The following AP1B1 variants were observed in gnomAD, a reference collection of about 807,000 sequenced individuals.
AP1B1 encodes adaptor related protein complex 1 subunit beta 1.
Under a neutral mutation model 104.3 loss-of-function variants are expected in AP1B1, and 36 were observed. That is an observed-to-expected ratio of 0.35 (90% confidence interval 0.26 to 0.46). The LOEUF (loss-of-function observed/expected upper bound fraction) is 0.46, where lower values mean the gene tolerates loss of function less well. AP1B1 is among the 20% of genes least tolerant of loss of function. The pLI is 1.00. For synonymous variants in AP1B1, 504 were observed against 517.5 expected (o/e 0.97, Z 0.35); for missense variants, 901 against 1,247.9 (o/e 0.72, Z 4.19).
intron 1 of AP1B1, among the ~76,000 whole-genome samples, chr22:29,386,582 G>A (rs1273348844): frequency 6.6e-6 from 1 of 152,138 alleles, no homozygotes; most frequent in Non-Finnish European, 1.5e-5. Flanking sequence ...CCCTTGGAAG[G>A]ATGGGAATAT....
intron 8 of AP1B1, 122 bp from the exon 9 acceptor site, chr22:29,351,388 T>C (rs1460044115): frequency 3.4e-6 from 4 of 1,169,418 alleles, no homozygotes; most frequent in Non-Finnish European, 2.6e-6. Context: ...CTGCTCCAGG[T>C]AGAAGGCCCA....
chr22:29,341,471 G>C, intron 13 of AP1B1, 30 bp downstream of exon 13: 1 of 1,597,122 alleles, frequency 6.3e-7, no homozygotes, highest in Non-Finnish European at 8.6e-7. Flanking sequence ...AGAGTGTGAA[G>C]GCGCAGGCCG....
At chr22:29,355,592 T>C (rs757313653) in intron 6 of AP1B1, among the ~76,000 whole-genome samples, 2 of 152,138 alleles carry the variant, frequency 1.3e-5, no homozygotes, top group Non-Finnish European at 2.9e-5. Context: ...AAGATGATGA[T>C]GCCTACTTCA....
At chr22:29,377,222 G>GAAAAAAAAAAAAAAAAAAAAAAAAAAA in intron 1 of AP1B1, among the ~76,000 whole-genome samples, 1 of 131,640 alleles carries the variant, frequency 7.6e-6, no homozygotes. Flanking sequence ...AAAAAAAAAG[G>GAAAAAAAAAAAAAAAAAAAAAAAAAAA]AAAAAGGTCC....
chr22:29,356,636 G>C lies in AP1B1; in HGVS notation c.526-20C>G. On this transcript the variant is annotated intron_variant, in intron 5 of 22. Coordinates refer to ENST00000357586, the MANE Select transcript of AP1B1 (RefSeq NM_001127.4). The stretch of plus-strand genomic sequence containing the variant: ...CACCACCTGGTTGAGAGGGTGGGAG[G>C]GGCAGAGGCTGGGGGTGCTGCTCAC... The C allele has an allele frequency of 6.2e-7, 1 of 1,611,466 alleles. No homozygotes were observed. The highest frequency in any genetic ancestry group is 1.3e-5 in the African/African-American group (1 of 75,016).
chr22:29,383,108 T>C (rs1056221032), intron 1 of AP1B1, among the ~76,000 whole-genome samples: 1 of 152,278 alleles, frequency 6.6e-6, no homozygotes, highest in Non-Finnish European at 1.5e-5. Flanking sequence ...TGTTGACCTA[T>C]CAGCATAGGC....
intron 1 of AP1B1, among the ~76,000 whole-genome samples, chr22:29,371,149 T>G (rs1050764473): frequency 6.6e-6 from 1 of 152,204 alleles, no homozygotes; most frequent in African/African-American, 2.4e-5. Context: ...GGCAGCTATC[T>G]CCTCGTGTCC....
chr22:29,381,235 C>G (rs768824826), intron 1 of AP1B1, among the ~76,000 whole-genome samples: 1 of 152,124 alleles, frequency 6.6e-6, no homozygotes, highest in Admixed American at 6.6e-5. Context: ...CCCATAATCC[C>G]CACCACTTCC....
chr22:29,346,020 G>C (rs1012752646), intron 11 of AP1B1, among the ~76,000 whole-genome samples: 1 of 152,180 alleles, frequency 6.6e-6, no homozygotes, highest in Non-Finnish European at 1.5e-5. Flanking sequence ...GAACTGTGTT[G>C]TGAACCAAAG....
Position 29,328,409 on chromosome 22 carries a change from G to A in AP1B1, c.*412C>T. The A allele has an allele frequency of 5.7e-6, 1 of 175,160 alleles. No individual in the cohort carries two copies. Among genetic ancestry groups the A allele is most frequent in the Non-Finnish European group, 1.2e-5 (1 of 82,184 alleles). The allele number at this position is 175,160 out of a possible 1,614,324, so 10.9% of individuals were successfully genotyped here. ...TGCACACCCAGGCCAGGTTGGCAGG[G>A]TCCATCCCATGAGAGGTGGCAGTGG... On this transcript the variant is annotated 3_prime_UTR_variant, in exon 23 of 23. Coordinates refer to ENST00000357586, the MANE Select transcript of AP1B1 (RefSeq NM_001127.4). This position sits in a 1 kb window ranked among gnomAD's most constrained non-coding sequence, Gnocchi z 4.1.
At chr22:29,385,774 A>C (rs1458110428) in intron 1 of AP1B1, among the ~76,000 whole-genome samples, 1 of 152,216 alleles carries the variant, frequency 6.6e-6, no homozygotes, top group African/African-American at 2.4e-5. Context: ...TGTCACCTCA[A>C]CCTTCAGAAA....
chr22:29,330,435 G>C lies in AP1B1; in HGVS notation c.2709C>G (p.Thr903=), dbSNP rs768110757. 5.6e-6 allele frequency: 9 copies of C among 1,613,794 alleles called. No individual in the cohort carries two copies. The highest frequency in any genetic ancestry group is 5.3e-5 in the African/African-American group (4 of 74,946). ...QDMLYQSLKL[T]NGIWVLAELR... ...GCTCCGCCAGCACCCAGATGCCGTTGGTCAGCTTCAGGGACTGGTAGAGCA... is the reference window on the plus strand; with the variant it reads ...GCTCCGCCAGCACCCAGATGCCGTTCGTCAGCTTCAGGGACTGGTAGAGCA... Residue 903 remains threonine, a synonymous_variant, in exon 21 of 23, where the codon ACC becomes ACG. Coordinates refer to ENST00000357586, the MANE Select transcript of AP1B1 (RefSeq NM_001127.4).
chr22:29,366,365 C>T (rs560433107), intron 2 of AP1B1, among the ~76,000 whole-genome samples: 2 of 152,158 alleles, frequency 1.3e-5, no homozygotes, highest in Admixed American at 1.3e-4. Context: ...TGACCGGCCG[C>T]GGTGGCTCAC....
chr22:29,366,371 C>G (rs2062136077), intron 2 of AP1B1, among the ~76,000 whole-genome samples: 1 of 152,194 alleles, frequency 6.6e-6, no homozygotes, highest in Non-Finnish European at 1.5e-5. Flanking sequence ...GCCGCGGTGG[C>G]TCACGCCTGT....
At chr22:29,336,804 CA>C (rs1174010439) in intron 16 of AP1B1, among the ~76,000 whole-genome samples, 1,967 of 72,958 alleles carry the variant, frequency 0.027, 21 homozygotes, top group African/African-American at 0.064. Flanking sequence ...AACTCTGTCT[CA>C]AAAAAAAAAA....
chr22:29,376,990 G>A (rs1030700476), intron 1 of AP1B1, among the ~76,000 whole-genome samples: 1 of 152,106 alleles, frequency 6.6e-6, no homozygotes, highest in African/African-American at 2.4e-5. Flanking sequence ...GAGGTCAGGA[G>A]ATTGGGACCA....
intron 1 of AP1B1, among the ~76,000 whole-genome samples, chr22:29,386,369 C>A (rs1004543959): frequency 6.6e-6 from 1 of 151,994 alleles, no homozygotes; most frequent in African/African-American, 2.4e-5. Context: ...CAGGGTGAAG[C>A]CTCCACTGAC....
At chr22:29,334,244 C>A in intron 17 of AP1B1, 21 bp downstream of exon 17, 2 of 1,572,628 alleles carry the variant, frequency 1.3e-6, no homozygotes, top group East Asian at 2.3e-5. Flanking sequence ...GAGAGGTGCG[C>A]TGGCCTCAGG....
At chr22:29,359,113 C>T (rs1031709242) in intron 4 of AP1B1, 142 bp from the exon 5 acceptor site, 10 of 823,436 alleles carry the variant, frequency 1.2e-5, no homozygotes, top group Admixed American at 2.7e-5. Context: ...CTACAGCCAA[C>T]AACAGCAAAA....
Sources: gnomAD v4.1 joint callset for allele counts (sites outside exome capture counted in the v4.1 genomes callset) on GRCh38, gnomAD v4.1.1 for gene constraint, Gnocchi (gnomAD v3.1) non-coding constraint, MANE v1.5 for transcripts, NCBI Gene and HGNC (gene_info 2026-07-23, HGNC 2026-07-21) for gene names.